POU3F3: variants seen among roughly 807,000 people sequenced by gnomAD.
POU3F3 encodes the protein POU class 3 homeobox 3.
A neutral mutation model predicts 8.6 loss-of-function variants in POU3F3; 1 was observed. That is an observed-to-expected ratio of 0.12 (90% CI 0.04 to 0.55). The LOEUF is 0.55. Ranked by LOEUF, POU3F3 falls within the 20% of genes least tolerant of loss-of-function variation. The pLI, the probability that POU3F3 is intolerant of heterozygous loss-of-function variation, is 0.91. For synonymous variants in POU3F3, 418 were observed against 327.4 expected (o/e 1.28, Z -2.99); for missense variants, 577 against 690.7 (o/e 0.84, Z 1.84).
At chr2:104,900,027 G>T in the POU3F3 span, among the ~76,000 whole-genome samples, 2 of 152,214 alleles carry the variant, frequency 1.3e-5, no homozygotes, top group Non-Finnish European at 2.9e-5. Flanking sequence ...AGATGCCATA[G>T]TTCCAAATTG....
the POU3F3 span, among the ~76,000 whole-genome samples, chr2:104,891,828 T>C: frequency 6.6e-6 from 1 of 152,120 alleles, no homozygotes; most frequent in Non-Finnish European, 1.5e-5. Flanking sequence ...CTGTGAAAAA[T>C]TAAAAATCCA....
At chr2:104,909,598 C>T in the POU3F3 span, among the ~76,000 whole-genome samples, 1 of 152,214 alleles carries the variant, frequency 6.6e-6, no homozygotes, top group East Asian at 1.9e-4. Flanking sequence ...TTCACAGCTG[C>T]CTCTGCCAGG....
the POU3F3 span, among the ~76,000 whole-genome samples, chr2:104,895,018 C>T: frequency 1.3e-5 from 2 of 152,180 alleles, no homozygotes; most frequent in Admixed American, 1.3e-4. Context: ...AATCAAACCT[C>T]CGAGCCCAGA....
At chr2:104,921,020 A>T in the POU3F3 span, among the ~76,000 whole-genome samples, 1 of 152,138 alleles carries the variant, frequency 6.6e-6, no homozygotes, top group Non-Finnish European at 1.5e-5. Context: ...TCTTTTTTGC[A>T]TACATCCTCT....
At chr2:104,902,097 C>G in the POU3F3 span, among the ~76,000 whole-genome samples, 1 of 152,020 alleles carries the variant, frequency 6.6e-6, no homozygotes. Context: ...CTCCAACCTC[C>G]CTCTCCCTAT....
At chr2:104,881,100 C>CTCTTTCTTTCTTTCTTTCTTTCTT in the POU3F3 span, among the ~76,000 whole-genome samples, 7 of 120,560 alleles carry the variant, frequency 5.8e-5, no homozygotes, top group African/African-American at 1.8e-4. Flanking sequence ...TATATATTTT[C>CTCTTTCTTTCTTTCTTTCTTTCTT]TCTTTCTTTC....
chr2:104,862,752 T>C (rs1558705368), downstream of POU3F3, among the ~76,000 whole-genome samples: 3 of 152,194 alleles, frequency 2.0e-5, no homozygotes, highest in Non-Finnish European at 4.4e-5. Context: ...ATACACCCGT[T>C]GCTTAGCAAC....
At chr2:104,921,803 C>T in the POU3F3 span, among the ~76,000 whole-genome samples, 15 of 152,316 alleles carry the variant, frequency 9.8e-5, no homozygotes, top group South Asian at 3.1e-3. Flanking sequence ...TGACGCCAGC[C>T]TGGCCAATAT....
At chr2:104,918,937 T>C in the POU3F3 span, among the ~76,000 whole-genome samples, 2 of 151,092 alleles carry the variant, frequency 1.3e-5, no homozygotes, top group South Asian at 2.1e-4. Flanking sequence ...AATGGCATGA[T>C]CTCAGCTCAC....
the POU3F3 span, among the ~76,000 whole-genome samples, chr2:104,916,978 C>T: frequency 3.3e-5 from 5 of 152,178 alleles, no homozygotes; most frequent in African/African-American, 4.8e-5. Context: ...TCCAATCTGC[C>T]GAAGGCCCAG....
the POU3F3 span, among the ~76,000 whole-genome samples, chr2:104,906,265 G>T: frequency 4.6e-5 from 7 of 152,214 alleles, no homozygotes; most frequent in South Asian, 8.3e-4. Context: ...TGACTAGTTC[G>T]CAATCTGCAT....
chr2:104,917,732 C>T, the POU3F3 span, among the ~76,000 whole-genome samples: 1 of 152,092 alleles, frequency 6.6e-6, no homozygotes, highest in Non-Finnish European at 1.5e-5. Flanking sequence ...CATGAATAAG[C>T]AGCCCAGTAC....
chr2:104,896,790 G>C, the POU3F3 span, among the ~76,000 whole-genome samples: 550 of 152,368 alleles, frequency 3.6e-3, 4 homozygotes, highest in Non-Finnish European at 2.0e-3. Flanking sequence ...GCCTGTTTGA[G>C]TGAAGATGGA....
chr2:104,921,045 G>A, the POU3F3 span, among the ~76,000 whole-genome samples: 1 of 152,022 alleles, frequency 6.6e-6, no homozygotes, highest in Non-Finnish European at 1.5e-5. Context: ...CTTAGTCCAG[G>A]GCCACACCTA....
At chr2:104,861,881 C>G (rs1218497757), downstream of POU3F3, among the ~76,000 whole-genome samples, 2 of 152,172 alleles carry the variant, frequency 1.3e-5, no homozygotes, top group Non-Finnish European at 2.9e-5. Flanking sequence ...CTCCTGGGTG[C>G]AGGATCCTCA....
rs1250726102 is a variant in POU3F3 at position 104,854,337 on chromosome 2, G to C, written c.-1174G>C. Among the ~76,000 whole-genome samples the C allele has an allele frequency of 6.6e-6, 1 of 152,176 alleles. No homozygotes were observed. The highest frequency in any genetic ancestry group is 1.9e-4 in the East Asian group (1 of 5,178). Reference sequence around the variant, plus strand: ...CGGTGCACTCTACGAGCCGTGCAGCGTGCCCACTGGAGTTGTTGTGTATCA... The same window carrying C: ...CGGTGCACTCTACGAGCCGTGCAGCCTGCCCACTGGAGTTGTTGTGTATCA... On this transcript the variant is annotated 5_prime_UTR_variant, in exon 1 of 1. Transcript: ENST00000361360. The surrounding 1 kb of genome is among the most constrained non-coding windows in gnomAD (Gnocchi z 4.5).
the POU3F3 span, among the ~76,000 whole-genome samples, chr2:104,921,996 C>G: frequency 6.6e-6 from 1 of 152,082 alleles, no homozygotes; most frequent in South Asian, 2.1e-4. Context: ...GACTCCATCT[C>G]AAAGAATGAA....
the POU3F3 span, chr2:104,868,163 G>T: frequency 2.3e-6 from 1 of 440,658 alleles, no homozygotes; most frequent in South Asian, 1.6e-5. Context: ...ACCCCCATGG[G>T]GTTCTGAAGG....
At chr2:104,917,508 G>T in the POU3F3 span, among the ~76,000 whole-genome samples, 7 of 152,148 alleles carry the variant, frequency 4.6e-5, no homozygotes, top group South Asian at 2.1e-4. Flanking sequence ...AAGGTAACAG[G>T]TTCTTCTGAA....
Sources: allele counts gnomAD v4.1 joint callset (sites outside exome capture counted in the v4.1 genomes callset), GRCh38; gene constraint gnomAD v4.1.1; non-coding constraint Gnocchi (gnomAD v3.1); transcripts MANE v1.5; gene names NCBI Gene and HGNC (gene_info 2026-07-23, HGNC 2026-07-21).